RABGAP1L: variants seen among roughly 807,000 people sequenced by gnomAD.
RABGAP1L encodes the protein RAB GTPase activating protein 1 like, also known as rab GTPase-activating protein 1-like.
Under a neutral mutation model 137.7 loss-of-function variants are expected in RABGAP1L, and 63 were observed. That is an observed-to-expected ratio of 0.46 (90% CI 0.37 to 0.56). The LOEUF is 0.56. Ranked by LOEUF, RABGAP1L falls within the 20% of genes least tolerant of loss-of-function variation. RABGAP1L has a pLI of 0.00. For synonymous variants in RABGAP1L, 431 were observed against 433.7 expected (o/e 0.99, Z 0.08); for missense variants, 1,095 against 1,244.0 (o/e 0.88, Z 1.80).
At chr1:174,590,361 T>C (rs1669510908) in intron 13 of RABGAP1L, among the ~76,000 whole-genome samples, 1 of 147,458 alleles carries the variant, frequency 6.8e-6, no homozygotes, top group South Asian at 2.1e-4. Context: ...TATTTTTTTT[T>C]TATTATACTC....
chr1:174,267,552 A>G (rs1351747244), intron 7 of RABGAP1L, among the ~76,000 whole-genome samples: 4 of 152,180 alleles, frequency 2.6e-5, no homozygotes, highest in African/African-American at 7.2e-5. Flanking sequence ...ACTCTTGGAG[A>G]TACTTCACAA....
intron 13 of RABGAP1L, among the ~76,000 whole-genome samples, chr1:174,612,629 T>C (rs947659898): frequency 9.2e-5 from 14 of 152,184 alleles, no homozygotes; most frequent in South Asian, 2.1e-4. Context: ...TCAGAAGGAA[T>C]GGTACCAGTT....
chr1:174,664,734 C>CTTTTTT (rs71701825), intron 14 of RABGAP1L, among the ~76,000 whole-genome samples: 116 of 97,522 alleles, frequency 1.2e-3, no homozygotes, highest in East Asian at 2.8e-3. Flanking sequence ...TTTCTGCTTT[C>CTTTTTT]TTTTTTTTTT....
At position 174,787,504 on chromosome 1, in the gene RABGAP1L, T is replaced by C. The variant is rs1219026759; in HGVS notation, c.2212-24328T>C. On this transcript the variant is annotated intron_variant, in intron 18 of 25. Transcript: ENST00000681986. ...TTTTAGGCAACAAGAACAATATATG[T>C]AGATAAGAAAAGCATAATTTTTAAA... is the stretch of plus-strand genomic sequence containing the variant. 3.9e-5 allele frequency among the ~76,000 whole-genome samples: 6 copies of C among 151,918 alleles called. No individual in the cohort carries two copies. The East Asian group carries it at 1.2e-3, about 29-fold the overall frequency.
chr1:174,362,330 G>A (rs1478248041), intron 11 of RABGAP1L, among the ~76,000 whole-genome samples: 1 of 152,156 alleles, frequency 6.6e-6, no homozygotes, highest in African/African-American at 2.4e-5. Context: ...TGGTATTTCT[G>A]TCTTTAGGTC....
intron 19 of RABGAP1L, chr1:174,948,642 C>G (rs980935797): frequency 1.3e-5 from 2 of 151,512 alleles, no homozygotes; most frequent in Admixed American, 6.6e-5. Flanking sequence ...CAAACTATCT[C>G]TTGTACCCCA....
chr1:174,650,585 T>G lies in RABGAP1L; in HGVS notation c.1824+13097T>G, dbSNP rs533074651. Among the ~76,000 whole-genome samples, 1,150 of 152,154 alleles carry G rather than the reference T, an allele frequency of 7.6e-3. 18 individuals carry two copies. Among genetic ancestry groups the G allele is most frequent in the African/African-American group, 0.026 (1,072 of 41,464 alleles). ...TGGGAGGGTGTACGTGTCGAGGAAT[T>G]TATCCATTTCTTCTAGATTTTCTAG... On this transcript the variant is annotated intron_variant, in intron 14 of 25. Transcript: ENST00000681986.
At chr1:174,543,846 A>T (rs1377000191) in intron 13 of RABGAP1L, among the ~76,000 whole-genome samples, 1 of 152,104 alleles carries the variant, frequency 6.6e-6, no homozygotes, top group Non-Finnish European at 1.5e-5. Context: ...TTTCTCCTTC[A>T]CTTATGAAGC....
intron 13 of RABGAP1L, among the ~76,000 whole-genome samples, chr1:174,570,153 A>G (rs1266332276): frequency 6.6e-6 from 1 of 152,240 alleles, no homozygotes; most frequent in African/African-American, 2.4e-5. Flanking sequence ...AGGCAATCCT[A>G]AAGTATTGGC....
intron 3 of RABGAP1L, among the ~76,000 whole-genome samples, chr1:174,224,463 C>T (rs1464818629): frequency 1.3e-5 from 2 of 152,058 alleles, no homozygotes; most frequent in African/African-American, 4.8e-5. Flanking sequence ...GAGTGAGACT[C>T]CATCTCAAAA....
chr1:174,928,998 T>C (rs1394785023), intron 19 of RABGAP1L, among the ~76,000 whole-genome samples: 6 of 151,372 alleles, frequency 4.0e-5, no homozygotes, highest in Admixed American at 1.3e-4. Context: ...TTCTCACTCA[T>C]AGGTGGGAAT....
At chr1:174,319,138 C>T (rs1001142708) in intron 11 of RABGAP1L, among the ~76,000 whole-genome samples, 1 of 151,976 alleles carries the variant, frequency 6.6e-6, no homozygotes, top group African/African-American at 2.4e-5. Context: ...TACTAATTAA[C>T]ATTCTTTTCT....
At chr1:174,691,220 C>T (rs1380501200) in intron 15 of RABGAP1L, among the ~76,000 whole-genome samples, 6 of 152,158 alleles carry the variant, frequency 3.9e-5, no homozygotes, top group Admixed American at 2.0e-4. Flanking sequence ...ATGTGAAACA[C>T]ATCATGTGAA....
intron 13 of RABGAP1L, among the ~76,000 whole-genome samples, chr1:174,603,783 G>T (rs1281597385): frequency 6.6e-6 from 1 of 151,896 alleles, no homozygotes; most frequent in Non-Finnish European, 1.5e-5. Context: ...CCAGAACTGG[G>T]TTCTCCCCTA....
At chr1:174,540,806 A>G (rs773613600) in intron 13 of RABGAP1L, among the ~76,000 whole-genome samples, 7 of 152,218 alleles carry the variant, frequency 4.6e-5, no homozygotes, top group Non-Finnish European at 8.8e-5. Context: ...TGAACTTTAA[A>G]GTAGTTTTTT....
intron 13 of RABGAP1L, among the ~76,000 whole-genome samples, chr1:174,533,323 C>T (rs982204577): frequency 1.3e-5 from 2 of 152,188 alleles, no homozygotes; most frequent in African/African-American, 2.4e-5. Flanking sequence ...AAGGTAACCA[C>T]TGTTTTAAAG....
rs537993465 is a variant in RABGAP1L at position 174,566,451 on chromosome 1, T to C, written c.1711-70924T>C. On this transcript the variant is annotated intron_variant, in intron 13 of 25. Transcript: ENST00000681986. Reference sequence around the variant, plus strand: ...GTCTCTGATAGAATTAGTGTCATGGTTGATGTTTTGTGGCATTTTTTAAGA... The same window carrying C: ...GTCTCTGATAGAATTAGTGTCATGGCTGATGTTTTGTGGCATTTTTTAAGA... 5.9e-5 allele frequency among the ~76,000 whole-genome samples: 9 copies of C among 152,230 alleles called. No individual in the cohort carries two copies. The East Asian group carries it at 1.5e-3, about 26-fold the overall frequency.
At chr1:174,206,486 A>T (rs548599251) in intron 1 of RABGAP1L, among the ~76,000 whole-genome samples, 1 of 152,274 alleles carries the variant, frequency 6.6e-6, no homozygotes, top group East Asian at 1.9e-4. Flanking sequence ...TTCTTAGTGT[A>T]AGTTAAGAAT....
At chr1:174,471,619 G>T (rs1383147119) in intron 13 of RABGAP1L, among the ~76,000 whole-genome samples, 1 of 152,086 alleles carries the variant, frequency 6.6e-6, no homozygotes, top group Non-Finnish European at 1.5e-5. Context: ...TTAGCTATTG[G>T]CTCTGAAGTA....
Sources: allele counts gnomAD v4.1 joint callset (sites outside exome capture counted in the v4.1 genomes callset), GRCh38; gene constraint gnomAD v4.1.1; transcripts MANE v1.5; gene names NCBI Gene and HGNC (gene_info 2026-07-23, HGNC 2026-07-21).